Variants in TRIQK observed in about 807,000 individuals in gnomAD.
TRIQK encodes the protein triple QxxK/R motif-containing protein.
Under a neutral mutation model 10.8 loss-of-function variants are expected in TRIQK, and 10 were observed. The ratio of observed to expected loss-of-function variants is 0.92; its 90% CI spans 0.57 to 1.57. The LOEUF (loss-of-function observed/expected upper bound fraction) is 1.57, where lower values mean the gene tolerates loss of function less well. Among genes scored for constraint, TRIQK ranks in the 40% most tolerant of loss-of-function variants. The probability of loss-of-function intolerance (pLI) is 0.00; values close to 1 mark genes in which losing one functional copy is unlikely to be tolerated. For synonymous variants in TRIQK, 33 were observed against 33.7 expected, an observed-to-expected ratio of 0.98 and a Z score of 0.07; for missense variants, 107 against 97.7, an observed-to-expected ratio of 1.09 and a Z score of -0.40.
At chr8:92,889,497 A>T (rs1250219394) in intron 4 of TRIQK, among the ~76,000 whole-genome samples, 2 of 151,646 alleles carry the variant, frequency 1.3e-5, no homozygotes, top group Non-Finnish European at 1.5e-5. Flanking sequence ...ACTAATATCC[A>T]TAATACTACC....
intron 1 of TRIQK, among the ~76,000 whole-genome samples, chr8:92,978,196 T>A (rs1490693293): frequency 6.6e-6 from 1 of 152,098 alleles, no homozygotes; most frequent in Admixed American, 6.6e-5. Context: ...GACTCCCAAC[T>A]ACATCTTCTT....
chr8:92,890,015 G>C (rs559425811), intron 4 of TRIQK, among the ~76,000 whole-genome samples: 1 of 151,830 alleles, frequency 6.6e-6, no homozygotes, highest in South Asian at 2.1e-4. Context: ...TATCAACTAG[G>C]TAAGAGTACA....
intron 1 of TRIQK, among the ~76,000 whole-genome samples, chr8:93,011,435 G>A (rs1237030634): frequency 6.6e-6 from 1 of 152,044 alleles, no homozygotes. Context: ...CAGTAGGCAA[G>A]ATACAGATGG....
intron 2 of TRIQK, among the ~76,000 whole-genome samples, chr8:92,944,687 G>A (rs865908829): frequency 6.6e-5 from 10 of 152,124 alleles, no homozygotes; most frequent in Non-Finnish European, 8.8e-5. Flanking sequence ...AAGGCAGAAC[G>A]GTGGTCAACA....
chr8:93,003,109 T>C (rs371705305), intron 1 of TRIQK, among the ~76,000 whole-genome samples: 1 of 151,972 alleles, frequency 6.6e-6, no homozygotes, highest in African/African-American at 2.4e-5. Context: ...TTCTTAACAT[T>C]AAAAAGACTA....
intron 1 of TRIQK, among the ~76,000 whole-genome samples, chr8:92,991,481 G>A (rs1203698423): frequency 1.3e-5 from 2 of 152,056 alleles, no homozygotes; most frequent in African/African-American, 2.4e-5. Context: ...AGCAGGGGTC[G>A]ACTAGGTATT....
intron 2 of TRIQK, among the ~76,000 whole-genome samples, chr8:92,918,453 A>G (rs571656433): frequency 1.3e-5 from 2 of 151,976 alleles, no homozygotes; most frequent in Non-Finnish European, 2.9e-5. Flanking sequence ...TGTGCTTTCA[A>G]TTTGGATTTC....
intron 2 of TRIQK, among the ~76,000 whole-genome samples, chr8:92,919,698 A>T (rs1810070513): frequency 6.6e-6 from 1 of 151,796 alleles, no homozygotes; most frequent in Admixed American, 6.6e-5. Flanking sequence ...GTTTTGAAAT[A>T]GTTTTAGTAG....
intron 1 of TRIQK, among the ~76,000 whole-genome samples, chr8:93,008,800 A>G (rs1242414124): frequency 6.6e-6 from 1 of 152,102 alleles, no homozygotes; most frequent in African/African-American, 2.4e-5. Context: ...ATAAACCTAG[A>G]CCCCTCTCTA....
chr8:92,901,226 G>A (rs1808920145), intron 3 of TRIQK, among the ~76,000 whole-genome samples: 1 of 151,994 alleles, frequency 6.6e-6, no homozygotes, highest in Middle Eastern at 3.2e-3. Context: ...TTTCCAATTT[G>A]GATGTCCTTT....
chr8:92,961,333 G>A (rs572081429), intron 1 of TRIQK, among the ~76,000 whole-genome samples: 9 of 152,060 alleles, frequency 5.9e-5, no homozygotes, highest in South Asian at 2.1e-4. Flanking sequence ...AAGCAGAATC[G>A]GAAACTGGGA....
At chr8:92,910,360 A>G (rs1809506288) in intron 3 of TRIQK, among the ~76,000 whole-genome samples, 1 of 151,354 alleles carries the variant, frequency 6.6e-6, no homozygotes, top group Non-Finnish European at 1.5e-5. Context: ...GAAAGAAAAG[A>G]AAAGAAAAAA....
chr8:92,936,908 G>A (rs1171970639), intron 2 of TRIQK, among the ~76,000 whole-genome samples: 2 of 151,714 alleles, frequency 1.3e-5, no homozygotes, highest in Non-Finnish European at 3.0e-5. Context: ...GTATATGCAT[G>A]ACTACTTATT....
chr8:92,938,275 T>C (rs953071546), intron 2 of TRIQK, among the ~76,000 whole-genome samples: 1 of 152,014 alleles, frequency 6.6e-6, no homozygotes, highest in African/African-American at 2.4e-5. Flanking sequence ...AATTGAGATA[T>C]ATATATATAT....
intron 3 of TRIQK, among the ~76,000 whole-genome samples, chr8:92,895,697 G>A (rs778399056): frequency 2.0e-5 from 3 of 152,180 alleles, no homozygotes; most frequent in Non-Finnish European, 4.4e-5. Context: ...TGGCTGAATT[G>A]CTTCCATGTC....
At chr8:92,964,572 G>A (rs536584671) in intron 1 of TRIQK, among the ~76,000 whole-genome samples, 2 of 147,104 alleles carry the variant, frequency 1.4e-5, no homozygotes, top group South Asian at 2.1e-4. Context: ...GAATAGATGA[G>A]TTAATTTCTT....
intron 1 of TRIQK, among the ~76,000 whole-genome samples, chr8:93,012,004 T>G (rs1197850947): frequency 6.6e-6 from 1 of 152,110 alleles, no homozygotes; most frequent in Non-Finnish European, 1.5e-5. Flanking sequence ...TGGAAAATAT[T>G]TGTAAGCTGG....
chr8:92,974,064 A>C (rs575149341), intron 1 of TRIQK: 1 of 152,416 alleles, frequency 6.6e-6, no homozygotes, highest in East Asian at 1.9e-4. Flanking sequence ...TCCCTGTGCC[A>C]TCAACAGCAG....
rs1196996183 is a variant in TRIQK at position 92,887,157 on chromosome 8, GCA to G, written c.148-424_148-423del. 6.6e-5 allele frequency among the ~76,000 whole-genome samples: 10 copies of G among 151,084 alleles called. No homozygotes were observed. The South Asian group carries it at 1.2e-3, about 19-fold the overall frequency. On this transcript the variant is annotated intron_variant, in intron 4 of 4. Coordinates refer to ENST00000521988, the MANE Select transcript of TRIQK (RefSeq NM_001171797.2). ...ATTCAGTATTAATGATAGCATTTGG[GCA>G]CAGTTTTTTTTTTAATTATCATTCC... is the stretch of plus-strand genomic sequence containing the variant.
Sources: allele counts gnomAD v4.1 joint callset (sites outside exome capture counted in the v4.1 genomes callset), GRCh38; gene constraint gnomAD v4.1.1; transcripts MANE v1.5; gene names NCBI Gene and HGNC (gene_info 2026-07-23, HGNC 2026-07-21).